The following DOCK7 variants were observed in gnomAD, a reference collection of about 807,000 sequenced individuals.
The protein encoded by DOCK7 is dedicator of cytokinesis protein 7.
A neutral mutation model predicts 271.0 loss-of-function variants in DOCK7; 138 were observed. The ratio of observed to expected loss-of-function variants is 0.51; its 90% CI spans 0.44 to 0.59. The LOEUF is 0.59. DOCK7 is among the 20% of genes least tolerant of loss of function. DOCK7 has a pLI of 0.00. For missense variants in DOCK7, 2,066 were observed against 2,592.4 expected, an observed-to-expected ratio of 0.80 and a Z score of 4.41; for synonymous variants, 823 against 876.1, an observed-to-expected ratio of 0.94 and a Z score of 1.07.
chr1:62,535,930 C>A (rs1323341687), intron 28 of DOCK7, among the ~76,000 whole-genome samples: 1 of 152,102 alleles, frequency 6.6e-6, no homozygotes, highest in Non-Finnish European at 1.5e-5. Context: ...CTTTTCAATA[C>A]CACACTCTGA....
intron 16 of DOCK7, 150 bp from the exon 17 acceptor site, chr1:62,579,116 T>C (rs1407849835): frequency 2.6e-6 from 2 of 765,322 alleles, no homozygotes; most frequent in East Asian, 3.3e-5. Flanking sequence ...AATCTCTAAA[T>C]AACTAAATCT....
chr1:62,660,860 T>G (rs1216538578), intron 2 of DOCK7, among the ~76,000 whole-genome samples: 2 of 152,108 alleles, frequency 1.3e-5, no homozygotes, highest in Non-Finnish European at 2.9e-5. Context: ...CCCAACACTT[T>G]GGGAGGCCAA....
chr1:62,657,369 C>T (rs1658150060), intron 2 of DOCK7, among the ~76,000 whole-genome samples: 1 of 152,164 alleles, frequency 6.6e-6, no homozygotes, highest in South Asian at 2.1e-4. Context: ...ATCTGAACTT[C>T]TACTCCGTCT....
chr1:62,489,379 G>A (rs1371496184), intron 41 of DOCK7, among the ~76,000 whole-genome samples: 2 of 152,162 alleles, frequency 1.3e-5, no homozygotes, highest in East Asian at 1.9e-4. Flanking sequence ...AACATGGGAG[G>A]CGGAGTGTGC....
intron 48 of DOCK7, among the ~76,000 whole-genome samples, chr1:62,467,968 T>C (rs1034837384): frequency 9.2e-5 from 14 of 152,138 alleles, no homozygotes; most frequent in African/African-American, 3.4e-4. Flanking sequence ...AGTCAATAAA[T>C]GTGATACACC....
At chr1:62,592,197 T>C (rs1648550035) in intron 14 of DOCK7, among the ~76,000 whole-genome samples, 1 of 152,196 alleles carries the variant, frequency 6.6e-6, no homozygotes, top group Non-Finnish European at 1.5e-5. Flanking sequence ...ATAAATCTAG[T>C]AAGTCTTTAC....
chr1:62,459,823 G>GGTGCAGT (rs1201179304), intron 48 of DOCK7, among the ~76,000 whole-genome samples: 1 of 152,030 alleles, frequency 6.6e-6, no homozygotes, highest in Non-Finnish European at 1.5e-5. Flanking sequence ...TTCCAGGCCG[G>GGTGCAGT]GTGCAGTGGC....
intron 7 of DOCK7, among the ~76,000 whole-genome samples, chr1:62,645,584 A>G (rs569892743): frequency 6.6e-6 from 1 of 152,326 alleles, no homozygotes; most frequent in South Asian, 2.1e-4. Context: ...TGGGATGATG[A>G]AAGAACTCTA....
At position 62,455,258 on chromosome 1, in the gene DOCK7, C is replaced by T. The variant is rs1266008608; in HGVS notation, c.*156G>A. 9 of 789,410 alleles carry T rather than the reference C, an allele frequency of 1.1e-5. No homozygotes were observed. Among genetic ancestry groups the T allele is most frequent in the Non-Finnish European group, 1.9e-5 (9 of 463,914 alleles). 48.9% of individuals were successfully genotyped at this position (789,410 alleles called of 1,614,324 possible). ...AGAAACCATAGCCATGATTCTCAAG[C>T]GTTAACAATCTACATTTGATATTTT... On this transcript the variant is annotated 3_prime_UTR_variant, in exon 50 of 50. Transcript: ENST00000635253.
At chr1:62,461,870 G>A (rs1391085462) in intron 48 of DOCK7, among the ~76,000 whole-genome samples, 1 of 151,058 alleles carries the variant, frequency 6.6e-6, no homozygotes. Context: ...TCAGGAGTTC[G>A]AGACCAGCCT....
intron 18 of DOCK7, among the ~76,000 whole-genome samples, chr1:62,576,519 T>C (rs1646945543): frequency 6.6e-6 from 1 of 152,228 alleles, no homozygotes; most frequent in African/African-American, 2.4e-5. Flanking sequence ...AATTGTTTTT[T>C]AAAAATAAAA....
In DOCK7 at chr1:62,537,902, C is replaced by G; in HGVS notation, c.3460G>C (p.Ala1154Pro). Residue 1154 changes from alanine to proline, a missense_variant, in exon 28 of 50, where the codon GCA becomes CCA. Physicochemically the swap from Ala to Pro is conservative, Grantham distance 27. Transcript: ENST00000635253. ...PASPSPSVSS[A>P]TSQSSGFSTN... The stretch of plus-strand genomic sequence containing the variant: ...CACAATTTGCATACCTGAGATGTTG[C>G]AGAAGAAACAGAAGGTGATGGAGAT... The G allele has an allele frequency of 6.2e-7, 1 of 1,612,922 alleles. No homozygotes were observed. Among genetic ancestry groups the G allele is most frequent in the Non-Finnish European group, 8.5e-7 (1 of 1,179,254 alleles).
rs748694932 is a variant in DOCK7, at chr1:62,529,438, C to A, written c.3620G>T (p.Gly1207Val). Residue 1207 changes from glycine to valine, a missense_variant, in exon 30 of 50, where the codon GGA becomes GTA. By Grantham distance (109) the Gly-to-Val change is moderately radical. Coordinates refer to ENST00000635253, the MANE Select transcript of DOCK7 (RefSeq NM_001367561.1). ...ILDPDAEGLF[G>V]LHKKVINMVH... Reference sequence around the variant, plus strand: ...CATATTGATGACTTTCTTATGCAATCCAAACAGTCTATTTAAAAAGAAGAA... The same window carrying A: ...CATATTGATGACTTTCTTATGCAATACAAACAGTCTATTTAAAAAGAAGAA... 2 of 1,603,918 alleles carry A rather than the reference C, an allele frequency of 1.2e-6. No homozygotes were observed. Among genetic ancestry groups the A allele is most frequent in the South Asian group, 2.2e-5 (2 of 89,040 alleles).
intron 9 of DOCK7, chr1:62,633,885 C>A: frequency 4.6e-6 from 1 of 216,948 alleles, no homozygotes; most frequent in South Asian, 1.3e-4. Context: ...ACAAGAATGC[C>A]CACATTAGCC....
chr1:62,524,743 C>T (rs566480080), intron 31 of DOCK7, among the ~76,000 whole-genome samples: 6 of 150,924 alleles, frequency 4.0e-5, no homozygotes, highest in East Asian at 2.0e-4. Flanking sequence ...ACTAAAAATA[C>T]AAAAATTAGC....
chr1:62,641,174 C>T, intron 7 of DOCK7: 2 of 346,178 alleles, frequency 5.8e-6, no homozygotes, highest in South Asian at 4.9e-5. Flanking sequence ...TTTTCTTCTC[C>T]ATGTTCTTTT....
At chr1:62,587,826 T>C (rs1285526856) in intron 14 of DOCK7, among the ~76,000 whole-genome samples, 2 of 152,024 alleles carry the variant, frequency 1.3e-5, no homozygotes, top group Non-Finnish European at 2.9e-5. Context: ...TGGGGGAAGG[T>C]AGAGAGACAG....
chr1:62,494,676 G>A (rs766562447), intron 39 of DOCK7: 13 of 375,462 alleles, frequency 3.5e-5, no homozygotes, highest in Non-Finnish European at 5.6e-5. Context: ...GGGGGGGCAG[G>A]AGGGGCAAAA....
chr1:62,522,440 C>G (rs540750438), intron 31 of DOCK7, among the ~76,000 whole-genome samples: 2 of 152,114 alleles, frequency 1.3e-5, no homozygotes, highest in South Asian at 4.2e-4. Context: ...CAAAACAATA[C>G]AGCCATCTCA....
Sources: gnomAD v4.1 joint callset for allele counts (sites outside exome capture counted in the v4.1 genomes callset) on GRCh38, gnomAD v4.1.1 for gene constraint, MANE v1.5 for transcripts, NCBI Gene and HGNC (gene_info 2026-07-23, HGNC 2026-07-21) for gene names.